ZNF804B: variants seen among roughly 807,000 people sequenced by gnomAD.
ZNF804B encodes the protein zinc finger protein 804B, also known as zinc finger 804B.
In ZNF804B, 80 loss-of-function variants were observed where a neutral mutation model predicts 101.4. The ratio of observed to expected loss-of-function variants is 0.79; its 90% CI spans 0.66 to 0.95. The LOEUF (loss-of-function observed/expected upper bound fraction) is 0.95. ZNF804B is among the 40% of genes least tolerant of loss of function. ZNF804B has a pLI of 0.00. For synonymous variants in ZNF804B, 622 were observed against 558.8 expected (o/e 1.11, Z -1.59); for missense variants, 1,673 against 1,561.9 (o/e 1.07, Z -1.20).
chr7:89,101,486 T>C (rs1437078878), intron 1 of ZNF804B, among the ~76,000 whole-genome samples: 3 of 152,016 alleles, frequency 2.0e-5, no homozygotes, highest in South Asian at 4.1e-4. Context: ...ATAAAATATA[T>C]TAATTATTTC....
chr7:88,847,147 C>A (rs1791384482), intron 1 of ZNF804B, among the ~76,000 whole-genome samples: 1 of 151,838 alleles, frequency 6.6e-6, no homozygotes, highest in African/African-American at 2.4e-5. Flanking sequence ...AATTGACTAT[C>A]TTTTAGAAAA....
At chr7:88,767,553 CTT>C (rs1428566366) in intron 1 of ZNF804B, among the ~76,000 whole-genome samples, 1 of 152,170 alleles carries the variant, frequency 6.6e-6, no homozygotes, top group African/African-American at 2.4e-5. Flanking sequence ...CATGGGGCCT[CTT>C]TTTTTAAATG....
chr7:88,934,840 G>A (rs765409215), intron 1 of ZNF804B, among the ~76,000 whole-genome samples: 4 of 151,672 alleles, frequency 2.6e-5, no homozygotes, highest in East Asian at 1.9e-4. Context: ...AAGACTAAAC[G>A]TAGAACTACC....
At chr7:89,176,806 G>C (rs1791330600) in intron 1 of ZNF804B, among the ~76,000 whole-genome samples, 1 of 151,272 alleles carries the variant, frequency 6.6e-6, no homozygotes, top group African/African-American at 2.4e-5. Flanking sequence ...TTACAGCCTT[G>C]ATCTCATTAT....
chr7:89,100,403 G>A (rs1190224181), intron 1 of ZNF804B, among the ~76,000 whole-genome samples: 2 of 152,078 alleles, frequency 1.3e-5, no homozygotes, highest in Non-Finnish European at 2.9e-5. Flanking sequence ...ATTGATCTGG[G>A]CAAAGATTTC....
At chr7:88,963,028 A>T (rs991501659) in intron 1 of ZNF804B, among the ~76,000 whole-genome samples, 5 of 151,110 alleles carry the variant, frequency 3.3e-5, no homozygotes, top group African/African-American at 1.2e-4. Flanking sequence ...TCTCAAAAGC[A>T]AGGAGGAGGG....
chr7:89,333,232 AG>A, intron 3 of ZNF804B, 130 bp from the exon 4 acceptor site: 1 of 889,094 alleles, frequency 1.1e-6, no homozygotes, highest in African/African-American at 1.7e-5. Context: ...GGACAACAAA[AG>A]GTTATGTTTT....
chr7:89,309,759 CAAAAAAA>C (rs397791531), intron 2 of ZNF804B, among the ~76,000 whole-genome samples: 1 of 70,816 alleles, frequency 1.4e-5, no homozygotes, highest in Non-Finnish European at 2.5e-5. Context: ...GACCCTGTCT[CAAAAAAA>C]AAAAAAAAAA....
At chr7:89,169,587 C>A (rs780735196) in intron 1 of ZNF804B, among the ~76,000 whole-genome samples, 2 of 152,092 alleles carry the variant, frequency 1.3e-5, no homozygotes, top group Non-Finnish European at 1.5e-5. Flanking sequence ...AATGTAAAAT[C>A]TTTCTAGATT....
chr7:89,156,047 T>C (rs1790963204), intron 1 of ZNF804B, among the ~76,000 whole-genome samples: 2 of 89,130 alleles, frequency 2.2e-5, no homozygotes, highest in Non-Finnish European at 5.2e-5. Flanking sequence ...TTTCTTTCTT[T>C]CTTTCTTTCT....
At chr7:89,063,630 A>G (rs1789408970) in intron 1 of ZNF804B, among the ~76,000 whole-genome samples, 1 of 152,186 alleles carries the variant, frequency 6.6e-6, no homozygotes, top group Non-Finnish European at 1.5e-5. Flanking sequence ...AGAATGTAGA[A>G]TAGCTTCATG....
intron 1 of ZNF804B, among the ~76,000 whole-genome samples, chr7:88,929,345 A>G (rs776514636): frequency 6.5e-5 from 5 of 76,536 alleles, no homozygotes; most frequent in Non-Finnish European, 1.2e-4. Context: ...TAAGGTTCTG[A>G]AAAAAAAAAA....
chr7:89,176,095 T>C (rs1791314283), intron 1 of ZNF804B, among the ~76,000 whole-genome samples: 1 of 151,972 alleles, frequency 6.6e-6, no homozygotes, highest in Non-Finnish European at 1.5e-5. Flanking sequence ...AGTATGATGT[T>C]GAATAACAGT....
intron 1 of ZNF804B, among the ~76,000 whole-genome samples, chr7:89,213,419 C>A (rs1788835045): frequency 6.6e-6 from 1 of 152,216 alleles, no homozygotes; most frequent in Non-Finnish European, 1.5e-5. Flanking sequence ...ATTCTCACAG[C>A]TCTGTGCTGG....
intron 2 of ZNF804B, among the ~76,000 whole-genome samples, chr7:89,304,981 C>T (rs542896444): frequency 1.3e-5 from 2 of 152,124 alleles, no homozygotes; most frequent in East Asian, 3.9e-4. Context: ...GCAAGACGGA[C>T]TTGCATTAGA....
intron 2 of ZNF804B, among the ~76,000 whole-genome samples, chr7:89,222,613 C>T (rs1028953160): frequency 6.6e-6 from 1 of 151,930 alleles, no homozygotes; most frequent in Non-Finnish European, 1.5e-5. Context: ...TTTCTTCAAA[C>T]ATGTCTTATG....
At chr7:88,803,913 T>C (rs1229392778) in intron 1 of ZNF804B, among the ~76,000 whole-genome samples, 3 of 151,568 alleles carry the variant, frequency 2.0e-5, no homozygotes, top group East Asian at 1.9e-4. Context: ...TTTTAGGGAG[T>C]AGGCAAATAA....
intron 1 of ZNF804B, among the ~76,000 whole-genome samples, chr7:89,022,436 T>G (rs1343475645): frequency 6.6e-6 from 1 of 152,188 alleles, no homozygotes; most frequent in African/African-American, 2.4e-5. Context: ...CTGATTTTCT[T>G]TATTATCCGG....
chr7:89,168,009 T>A (rs1791169595), intron 1 of ZNF804B, among the ~76,000 whole-genome samples: 1 of 152,124 alleles, frequency 6.6e-6, no homozygotes, highest in Non-Finnish European at 1.5e-5. Flanking sequence ...TGTAGTTGAC[T>A]TTAAGTACCA....
Sources: gnomAD v4.1 joint callset for allele counts (sites outside exome capture counted in the v4.1 genomes callset) on GRCh38, gnomAD v4.1.1 for gene constraint, MANE v1.5 for transcripts, NCBI Gene and HGNC (gene_info 2026-07-23, HGNC 2026-07-21) for gene names.